STK10: variants seen among roughly 807,000 people sequenced by gnomAD.
STK10 encodes the protein serine/threonine-protein kinase 10.
A neutral mutation model predicts 113.8 loss-of-function variants in STK10; 78 were observed. The ratio of observed to expected loss-of-function variants is 0.69; its 90% CI spans 0.57 to 0.83. STK10 has a LOEUF of 0.83. Ranked by LOEUF, STK10 falls within the 40% of genes least tolerant of loss-of-function variation. STK10 has a pLI of 0.00. For missense variants in STK10, 1,109 were observed against 1,280.1 expected (o/e 0.87, Z 2.04); for synonymous variants, 465 against 494.7 (o/e 0.94, Z 0.80).
At chr5:172,062,627 A>C (rs1055908956) in intron 13 of STK10, among the ~76,000 whole-genome samples, 1 of 152,268 alleles carries the variant, frequency 6.6e-6, no homozygotes, top group Admixed American at 6.5e-5. Flanking sequence ...ACATTACGCT[A>C]AGTGAAATAA....
At chr5:172,148,438 G>A (rs2113808173) in intron 2 of STK10, among the ~76,000 whole-genome samples, 1 of 152,284 alleles carries the variant, frequency 6.6e-6, no homozygotes, top group South Asian at 2.1e-4. Flanking sequence ...GGCGAATCCT[G>A]GAATGACAAT....
At chr5:172,096,637 C>A in intron 7 of STK10, 77 bp from the exon 8 acceptor site, 1 of 1,577,012 alleles carries the variant, frequency 6.3e-7, no homozygotes, top group Non-Finnish European at 8.6e-7. Context: ...GGAGCTCACC[C>A]CCGGGGCAGA....
At chr5:172,156,207 G>A (rs1015524277) in intron 2 of STK10, among the ~76,000 whole-genome samples, 4 of 152,062 alleles carry the variant, frequency 2.6e-5, no homozygotes, top group Admixed American at 1.3e-4. Flanking sequence ...AATACTTACC[G>A]GGCTCTTACA....
chr5:172,045,023 C>A lies in STK10; in HGVS notation c.2767-1G>T, dbSNP rs1767468583. 2.5e-6 allele frequency: 4 copies of A among 1,614,084 alleles called. No individual in the cohort carries two copies. The highest frequency in any genetic ancestry group is 3.4e-6 in the Non-Finnish European group (4 of 1,180,014). On this transcript the variant is annotated splice_acceptor_variant, in intron 18 of 18. Coordinates refer to ENST00000176763, the MANE Select transcript of STK10 (RefSeq NM_005990.4). LOFTEE classifies it high-confidence loss of function. Reference sequence around the variant, plus strand: ...TCTGGTTCAGATCCTCTTCCAGAGCCTAGGGAAGAGAGAGGATGGATGGCA... The same window carrying A: ...TCTGGTTCAGATCCTCTTCCAGAGCATAGGGAAGAGAGAGGATGGATGGCA...
At chr5:172,066,804 C>T (rs147951907) in intron 12 of STK10, among the ~76,000 whole-genome samples, 2 of 152,232 alleles carry the variant, frequency 1.3e-5, no homozygotes, top group East Asian at 1.9e-4. Flanking sequence ...AAGAGAAGAG[C>T]GCAGGAAAAG....
chr5:172,172,892 A>C (rs2113835221), intron 1 of STK10, among the ~76,000 whole-genome samples: 1 of 152,184 alleles, frequency 6.6e-6, no homozygotes. Context: ...AGGCAGGAGA[A>C]TCGCTTGAAC....
chr5:172,128,627 G>A (rs546701667), intron 2 of STK10, among the ~76,000 whole-genome samples: 30 of 152,318 alleles, frequency 2.0e-4, no homozygotes, highest in Admixed American at 1.4e-3. Flanking sequence ...CACCCTGCCT[G>A]ACCTCTTTTT....
chr5:172,122,288 A>C (rs562993153), intron 3 of STK10, among the ~76,000 whole-genome samples: 43 of 152,208 alleles, frequency 2.8e-4, no homozygotes, highest in Non-Finnish European at 4.9e-4. Flanking sequence ...CCCCCATCAC[A>C]ATTTAGATAC....
chr5:172,106,148 C>T (rs1002799789), intron 6 of STK10, among the ~76,000 whole-genome samples: 14 of 152,154 alleles, frequency 9.2e-5, no homozygotes, highest in South Asian at 2.1e-4. Context: ...CGGTAGCTCA[C>T]GCCTGTAATT....
chr5:172,129,911 C>T lies in STK10; in HGVS notation c.322-2490G>A, dbSNP rs139798690. Among the ~76,000 whole-genome samples, 417 of 152,262 alleles carry T rather than the reference C, an allele frequency of 2.7e-3. 3 individuals carry two copies. The highest frequency in any genetic ancestry group is 9.6e-3 in the African/African-American group (400 of 41,542). On this transcript the variant is annotated intron_variant, in intron 2 of 18. Transcript: ENST00000176763. ...CCTTGACACGTGCCTGGCCCCAGGT[C>T]GGGACTCAGTTATGTGAGCTGTCAC...
At chr5:172,103,499 C>T (rs1019697244) in intron 7 of STK10, among the ~76,000 whole-genome samples, 1 of 152,168 alleles carries the variant, frequency 6.6e-6, no homozygotes, top group East Asian at 1.9e-4. Context: ...GTCCTGGAGG[C>T]CGGATGTATC....
At chr5:172,085,882 C>T (rs574235702) in intron 10 of STK10, among the ~76,000 whole-genome samples, 2 of 152,218 alleles carry the variant, frequency 1.3e-5, no homozygotes, top group East Asian at 1.9e-4. Context: ...CATGAGGCCA[C>T]GCTCTGACCC....
chr5:172,079,211 C>T (rs1271886591), intron 12 of STK10, among the ~76,000 whole-genome samples: 9 of 152,326 alleles, frequency 5.9e-5, no homozygotes, highest in Non-Finnish European at 4.4e-5. Flanking sequence ...GCCAATCTCC[C>T]CTTTGCTTCC....
In STK10 at chr5:172,044,143, T is replaced by C. The variant is rs1767446882; in HGVS notation, c.*739A>G. ...GGCAGCAAACGTGTTCCAACCCACC[T>C]GGGCAGAAGAGGCCAGGCCAGCAGA... On this transcript the variant is annotated 3_prime_UTR_variant, in exon 19 of 19. Transcript: ENST00000176763. This position sits in a 1 kb window ranked among gnomAD's most constrained non-coding sequence, Gnocchi z 4.5. The C allele has an allele frequency of 6.6e-6, 1 of 152,620 alleles. No homozygotes were observed. Among genetic ancestry groups the C allele is most frequent in the Non-Finnish European group, 1.5e-5 (1 of 68,364 alleles). The allele number at this position is 152,620 out of a possible 1,614,324, so 9.5% of individuals were successfully genotyped here.
intron 3 of STK10, among the ~76,000 whole-genome samples, chr5:172,122,725 G>A (rs1303607033): frequency 2.0e-5 from 3 of 152,282 alleles, no homozygotes; most frequent in South Asian, 2.1e-4. Flanking sequence ...CCAGGTTCAC[G>A]CCATTCTCCT....
chr5:172,145,681 A>T (rs1379866825), intron 2 of STK10, among the ~76,000 whole-genome samples: 2 of 152,376 alleles, frequency 1.3e-5, no homozygotes, highest in South Asian at 2.1e-4. Context: ...ATGGCCGGAC[A>T]CTAACAGAAT....
intron 18 of STK10, among the ~76,000 whole-genome samples, chr5:172,052,703 T>C (rs913892582): frequency 2.6e-5 from 4 of 152,196 alleles, no homozygotes; most frequent in African/African-American, 4.8e-5. Context: ...CTTCGGTCCA[T>C]GAGAGGGAGC....
At chr5:172,129,716 G>A (rs1381058667) in intron 2 of STK10, among the ~76,000 whole-genome samples, 5 of 152,024 alleles carry the variant, frequency 3.3e-5, no homozygotes, top group East Asian at 1.9e-4. Flanking sequence ...TCAGCTCCAC[G>A]AAAGAGGAAG....
chr5:172,049,827 G>C (rs556342391), intron 18 of STK10, among the ~76,000 whole-genome samples: 1 of 152,140 alleles, frequency 6.6e-6, no homozygotes, highest in Admixed American at 6.5e-5. Flanking sequence ...TTTTGAGATG[G>C]AGTTTCACTC....
Sources: gnomAD v4.1 joint callset for allele counts (sites outside exome capture counted in the v4.1 genomes callset) on GRCh38, gnomAD v4.1.1 for gene constraint, Gnocchi (gnomAD v3.1) non-coding constraint, MANE v1.5 for transcripts, NCBI Gene and HGNC (gene_info 2026-07-23, HGNC 2026-07-21) for gene names.